C19orf47: variants seen among roughly 807,000 people sequenced by gnomAD.
C19orf47 encodes the protein uncharacterized protein C19orf47.
A neutral mutation model predicts 32.3 loss-of-function variants in C19orf47; 18 were observed. The ratio of observed to expected loss-of-function variants is 0.56; its 90% CI spans 0.39 to 0.83. The LOEUF (loss-of-function observed/expected upper bound fraction) is 0.83, where lower values mean the gene tolerates loss of function less well. Ranked by LOEUF, C19orf47 falls within the 40% of genes least tolerant of loss-of-function variation. The pLI is 0.00. For missense variants in C19orf47, 484 were observed against 531.6 expected, an observed-to-expected ratio of 0.91 and a Z score of 0.88; for synonymous variants, 202 against 211.1, an observed-to-expected ratio of 0.96 and a Z score of 0.37.
intron 5 of C19orf47, among the ~76,000 whole-genome samples, chr19:40,329,894 CCCT>C (rs1347601789): frequency 2.6e-5 from 4 of 152,162 alleles, no homozygotes; most frequent in Non-Finnish European, 5.9e-5. Flanking sequence ...GTTAAGAGGG[CCCT>C]ACCTGTCCTG....
intron 5 of C19orf47, chr19:40,332,790 C>T (rs1431196434): frequency 2.5e-4 from 38 of 152,202 alleles, no homozygotes; most frequent in Non-Finnish European, 7.3e-5. Context: ...CATTCACAGA[C>T]ACACACAGAG....
At chr19:40,324,102 GA>G (rs1210117309) in intron 7 of C19orf47, 26 bp from the exon 8 acceptor site, 2 of 1,613,656 alleles carry the variant, frequency 1.2e-6, no homozygotes, top group African/African-American at 2.7e-5. Flanking sequence ...AGCCATCAGG[GA>G]GAGGCCCCGG....
the C19orf47 span, among the ~76,000 whole-genome samples, chr19:40,293,688 G>A: frequency 2.0e-5 from 3 of 149,346 alleles, no homozygotes; most frequent in African/African-American, 7.4e-5. Context: ...CTGGTCTCAA[G>A]CTCCTGACCT....
At chr19:40,297,598 G>A in the C19orf47 span, among the ~76,000 whole-genome samples, 1 of 151,878 alleles carries the variant, frequency 6.6e-6, no homozygotes, top group Non-Finnish European at 1.5e-5. Flanking sequence ...CTACTCTGGA[G>A]GCTGAGGCAG....
At chr19:40,342,106 T>C (rs1003455736) in intron 1 of C19orf47, 2 of 958,498 alleles carry the variant, frequency 2.1e-6, no homozygotes, top group African/African-American at 3.5e-5. Context: ...GGACAGCAAA[T>C]GTCCACAGCT....
chr19:40,312,100 C>T, the C19orf47 span, among the ~76,000 whole-genome samples: 1 of 152,158 alleles, frequency 6.6e-6, no homozygotes, highest in Non-Finnish European at 1.5e-5. Flanking sequence ...CCAACATGAC[C>T]ACAATGCGAG....
chr19:40,337,460 G>C (rs1421660716), intron 2 of C19orf47, among the ~76,000 whole-genome samples: 1 of 151,760 alleles, frequency 6.6e-6, no homozygotes, highest in African/African-American at 2.4e-5. Context: ...TGCCAGGCCA[G>C]GTGATAGCTA....
chr19:40,305,021 G>A, the C19orf47 span, among the ~76,000 whole-genome samples: 1 of 152,050 alleles, frequency 6.6e-6, no homozygotes, highest in African/African-American at 2.4e-5. Context: ...TTGAGGCCAG[G>A]AGTTTGAGAC....
intron 1 of C19orf47, chr19:40,342,573 CA>C (rs2078198685): frequency 1.3e-5 from 2 of 152,362 alleles, no homozygotes; most frequent in Non-Finnish European, 2.9e-5. Flanking sequence ...ACAGGGGAGA[CA>C]GAGAGTAAAC....
intron 4 of C19orf47, among the ~76,000 whole-genome samples, chr19:40,334,522 T>G (rs1016829207): frequency 2.0e-5 from 3 of 151,832 alleles, no homozygotes; most frequent in African/African-American, 7.3e-5. Flanking sequence ...CCGGGGCAGG[T>G]GGATCACCTG....
chr19:40,337,632 T>C (rs887820318), intron 2 of C19orf47, among the ~76,000 whole-genome samples: 14 of 152,192 alleles, frequency 9.2e-5, no homozygotes, highest in Non-Finnish European at 1.9e-4. Flanking sequence ...AAATCTGTTA[T>C]TACCTCACCC....
At chr19:40,293,843 G>A in the C19orf47 span, among the ~76,000 whole-genome samples, 3 of 152,050 alleles carry the variant, frequency 2.0e-5, no homozygotes, top group South Asian at 2.1e-4. Flanking sequence ...AGGAGGGGCC[G>A]GGCGCAGCGG....
Position 40,321,538 on chromosome 19 carries a change from C to T in C19orf47, c.*344G>A. On this transcript the variant is annotated 3_prime_UTR_variant, in exon 9 of 9. Coordinates refer to ENST00000683109, the MANE Select transcript of C19orf47 (RefSeq NM_001256441.2). Reference sequence around the variant, plus strand: ...GAGGCTGATGAGCTGGGGTCTGAGGCAGCAGACCCTGCTCAGGGGAAGAAG... The same window carrying T: ...GAGGCTGATGAGCTGGGGTCTGAGGTAGCAGACCCTGCTCAGGGGAAGAAG... The T allele has an allele frequency of 9.4e-7, 1 of 1,067,886 alleles. No homozygotes were observed. Among genetic ancestry groups the T allele is most frequent in the Non-Finnish European group, 1.1e-6 (1 of 880,854 alleles). The allele number at this position is 1,067,886 out of a possible 1,614,324, so 66.2% of individuals were successfully genotyped here. A position where few individuals can be genotyped will look rare whatever the true frequency, so the allele number is the denominator to read the frequency against.
intron 1 of C19orf47, 71 bp downstream of exon 1, chr19:40,348,253 T>A: frequency 9.2e-7 from 1 of 1,090,796 alleles, no homozygotes; most frequent in Non-Finnish European, 1.2e-6. Flanking sequence ...CCGAACTGAG[T>A]CCAGACACCC....
At chr19:40,311,520 C>T in the C19orf47 span, among the ~76,000 whole-genome samples, 3 of 151,806 alleles carry the variant, frequency 2.0e-5, no homozygotes, top group East Asian at 1.9e-4. Flanking sequence ...CTAGCCTGGG[C>T]GACAGAGCAA....
At chr19:40,340,124 A>G (rs1394305370) in intron 2 of C19orf47, among the ~76,000 whole-genome samples, 1 of 151,446 alleles carries the variant, frequency 6.6e-6, no homozygotes, top group African/African-American at 2.4e-5. Flanking sequence ...CTTTTTTTTG[A>G]CCTGGATGGG....
At chr19:40,304,614 C>G in the C19orf47 span, among the ~76,000 whole-genome samples, 10 of 152,196 alleles carry the variant, frequency 6.6e-5, 1 homozygote, top group African/African-American at 2.4e-4. Context: ...CCGCAAGCCC[C>G]TCTTTTTTCT....
chr19:40,307,231 G>C, the C19orf47 span, among the ~76,000 whole-genome samples: 3 of 150,726 alleles, frequency 2.0e-5, no homozygotes, highest in African/African-American at 7.3e-5. Flanking sequence ...GAGTAGCTGG[G>C]ATTACAGGCG....
chr19:40,337,059 G>C (rs2078079430), intron 2 of C19orf47, among the ~76,000 whole-genome samples: 1 of 152,040 alleles, frequency 6.6e-6, no homozygotes, highest in Admixed American at 6.6e-5. Flanking sequence ...TGTAAACCTG[G>C]GATAACAGAT....
Sources: allele counts gnomAD v4.1 joint callset (sites outside exome capture counted in the v4.1 genomes callset), GRCh38; gene constraint gnomAD v4.1.1; transcripts MANE v1.5; gene names NCBI Gene and HGNC (gene_info 2026-07-23, HGNC 2026-07-21).